Variants in IQCM observed in about 807,000 individuals in gnomAD.
The protein encoded by IQCM is IQ motif containing M, also known as IQ domain-containing protein M.
In IQCM, 45 loss-of-function variants were observed where a neutral mutation model predicts 57.6. The observed-to-expected ratio is 0.78, with a 90% CI of 0.62 to 1.00. IQCM has a LOEUF of 1.00. Ranked by LOEUF, IQCM falls within the 50% of genes least tolerant of loss-of-function variation. The probability of loss-of-function intolerance (pLI) is 0.00; values close to 1 mark genes in which losing one functional copy is unlikely to be tolerated. For missense variants in IQCM, 468 were observed against 511.6 expected (o/e 0.91, Z 0.82); for synonymous variants, 148 against 158.9 (o/e 0.93, Z 0.51).
chr4:149,461,557 G>A (rs935588558), intron 12 of IQCM, among the ~76,000 whole-genome samples: 3 of 151,708 alleles, frequency 2.0e-5, no homozygotes, highest in Non-Finnish European at 4.4e-5. Flanking sequence ...GGGTGGCTAA[G>A]CTGGGAGGAC....
chr4:149,534,425 T>G (rs111865821), intron 12 of IQCM, among the ~76,000 whole-genome samples: 1,839 of 152,236 alleles, frequency 0.012, 23 homozygotes, highest in Non-Finnish European at 0.02. Flanking sequence ...GCAAATACGC[T>G]TGTATGGGTG....
intron 13 of IQCM, among the ~76,000 whole-genome samples, chr4:149,418,492 G>T (rs1733909069): frequency 6.6e-6 from 1 of 152,030 alleles, no homozygotes; most frequent in Non-Finnish European, 1.5e-5. Context: ...TGGATTTACA[G>T]CTAAATTCTA....
chr4:149,547,147 T>A (rs1748525107), intron 12 of IQCM, among the ~76,000 whole-genome samples: 1 of 152,168 alleles, frequency 6.6e-6, no homozygotes, highest in African/African-American at 2.4e-5. Flanking sequence ...GTGGTATTAT[T>A]TCTGAGGGCT....
chr4:149,483,642 T>A (rs1741152259), intron 12 of IQCM, among the ~76,000 whole-genome samples: 1 of 151,986 alleles, frequency 6.6e-6, no homozygotes, highest in Non-Finnish European at 1.5e-5. Context: ...ATGCTTGATG[T>A]TATTTCAGTT....
At chr4:149,446,992 A>G (rs1266426804) in intron 12 of IQCM, among the ~76,000 whole-genome samples, 1 of 151,600 alleles carries the variant, frequency 6.6e-6, no homozygotes, top group Non-Finnish European at 1.5e-5. Context: ...TAATAGGGAT[A>G]AAAAGAGAGC....
At chr4:149,783,356 C>T (rs1771788947) in intron 2 of IQCM, among the ~76,000 whole-genome samples, 1 of 152,168 alleles carries the variant, frequency 6.6e-6, no homozygotes, top group South Asian at 2.1e-4. Context: ...AACAAACGCT[C>T]TCAAAATTAT....
intron 13 of IQCM, among the ~76,000 whole-genome samples, chr4:149,355,013 C>T (rs1470799996): frequency 6.6e-6 from 1 of 151,914 alleles, no homozygotes; most frequent in Non-Finnish European, 1.5e-5. Context: ...ATACTGAAAG[C>T]TTATTAATTT....
intron 10 of IQCM, 105 bp downstream of exon 10, chr4:149,563,587 C>CA (rs564606351): frequency 0.012 from 8,410 of 707,916 alleles, 1 homozygote; most frequent in Non-Finnish European, 0.013. Context: ...ACTCTATCTC[C>CA]AAAAAAAAAA....
At chr4:149,517,275 CT>C (rs1745077773) in intron 12 of IQCM, among the ~76,000 whole-genome samples, 2 of 152,162 alleles carry the variant, frequency 1.3e-5, no homozygotes, top group African/African-American at 4.8e-5. Flanking sequence ...TTTACTCCTT[CT>C]TTTGTTAAAA....
intron 13 of IQCM, among the ~76,000 whole-genome samples, chr4:149,398,030 C>T (rs1732351775): frequency 6.6e-6 from 1 of 151,910 alleles, no homozygotes; most frequent in Non-Finnish European, 1.5e-5. Context: ...ATGTTTTCTT[C>T]TAGAAGTTTA....
intron 7 of IQCM, among the ~76,000 whole-genome samples, chr4:149,654,850 TAGA>T (rs1421412588): frequency 6.6e-6 from 1 of 152,214 alleles, no homozygotes; most frequent in Admixed American, 6.5e-5. Context: ...ACATTATATT[TAGA>T]AGACTTGGTA....
chr4:149,387,374 G>A (rs981632926), intron 13 of IQCM, among the ~76,000 whole-genome samples: 3 of 151,966 alleles, frequency 2.0e-5, no homozygotes, highest in African/African-American at 4.8e-5. Context: ...CAGACTTTCC[G>A]ATCATAGCAG....
At chr4:149,524,524 A>T (rs897523721) in intron 12 of IQCM, among the ~76,000 whole-genome samples, 1 of 152,058 alleles carries the variant, frequency 6.6e-6, no homozygotes, top group Non-Finnish European at 1.5e-5. Context: ...CACCAAAAAA[A>T]TTAGGAGAAC....
chr4:149,601,693 T>C (rs1257799161), intron 8 of IQCM, among the ~76,000 whole-genome samples: 3 of 152,204 alleles, frequency 2.0e-5, no homozygotes, highest in African/African-American at 4.8e-5. Flanking sequence ...TGAAAGTATA[T>C]GTTTTAGTAC....
chr4:149,798,314 G>T (rs1773301288), intron 2 of IQCM, among the ~76,000 whole-genome samples: 1 of 151,950 alleles, frequency 6.6e-6, no homozygotes, highest in South Asian at 2.1e-4. Flanking sequence ...CAAGCCTCAT[G>T]ATAACCTCAG....
chr4:149,805,533 G>T (rs10022635), intron 2 of IQCM, among the ~76,000 whole-genome samples: 3,430 of 152,080 alleles, frequency 0.023, 103 homozygotes, highest in African/African-American at 0.068. Context: ...TGTAGCTGCA[G>T]AAGATATTTT....
chr4:149,485,742 T>A (rs1741407316), intron 12 of IQCM, among the ~76,000 whole-genome samples: 1 of 152,078 alleles, frequency 6.6e-6, no homozygotes, highest in African/African-American at 2.4e-5. Flanking sequence ...CAAGGCCATA[T>A]TTTCCTATAT....
chr4:149,356,703 G>A (rs1578773836), intron 13 of IQCM, among the ~76,000 whole-genome samples: 1 of 151,344 alleles, frequency 6.6e-6, no homozygotes, highest in African/African-American at 2.4e-5. Context: ...TGTTCTTTTG[G>A]CTTAGGATTG....
At chr4:149,376,551 G>A (rs2111008555) in intron 13 of IQCM, among the ~76,000 whole-genome samples, 1 of 152,076 alleles carries the variant, frequency 6.6e-6, no homozygotes, top group South Asian at 2.1e-4. Context: ...ATATTGCCAG[G>A]GTTGCCCAGC....
Sources: allele counts gnomAD v4.1 joint callset (sites outside exome capture counted in the v4.1 genomes callset), GRCh38; gene constraint gnomAD v4.1.1; transcripts MANE v1.5; gene names NCBI Gene and HGNC (gene_info 2026-07-23, HGNC 2026-07-21).